Variants in CAPN3 observed in about 807,000 individuals in gnomAD.
The protein encoded by CAPN3 is calpain 3.
In CAPN3, 88 loss-of-function variants were observed where a neutral mutation model predicts 114.0. That is an observed-to-expected ratio of 0.77 (90% CI 0.65 to 0.92). The LOEUF is 0.92. CAPN3 is among the 40% of genes least tolerant of loss of function. The pLI is 0.00. For missense variants in CAPN3, 1,028 were observed against 1,069.0 expected, an observed-to-expected ratio of 0.96 and a Z score of 0.53; for synonymous variants, 386 against 382.9, an observed-to-expected ratio of 1.01 and a Z score of -0.09.
chr15:42,405,996 G>A (rs781651497), intron 15 of CAPN3, 53 bp downstream of exon 15: 138 of 1,488,050 alleles, frequency 9.3e-5, no homozygotes, highest in Non-Finnish European at 1.3e-4. Context: ...ATATGTATGT[G>A]CATGCATGTG....
chr15:42,404,127 G>C, intron 14 of CAPN3: 1 of 477,618 alleles, frequency 2.1e-6, no homozygotes, highest in Non-Finnish European at 4.2e-6. Flanking sequence ...TTCACACATA[G>C]AGAAAAGAAA....
intron 14 of CAPN3, chr15:42,404,772 T>G (rs1211917699): frequency 6.2e-6 from 7 of 1,122,646 alleles, no homozygotes; most frequent in Non-Finnish European, 7.7e-6. Context: ...GCAGTGACAG[T>G]CATGGTCATA....
chr15:42,394,099 C>G (rs965869278), intron 7 of CAPN3, among the ~76,000 whole-genome samples, 157 bp from the exon 8 acceptor site: 1 of 152,140 alleles, frequency 6.6e-6, no homozygotes, highest in Non-Finnish European at 1.5e-5. Flanking sequence ...CCCTGCCATT[C>G]CCCAGCACAC....
At chr15:42,411,546 C>G (rs1049036074) in intron 23 of CAPN3, among the ~76,000 whole-genome samples, 1 of 152,048 alleles carries the variant, frequency 6.6e-6, no homozygotes, top group African/African-American at 2.4e-5. Flanking sequence ...CTCCCCCAGT[C>G]ACTTGATGCG....
intron 3 of CAPN3, among the ~76,000 whole-genome samples, chr15:42,387,471 C>G (rs1042471568): frequency 2.0e-5 from 3 of 152,220 alleles, no homozygotes; most frequent in Non-Finnish European, 2.9e-5. Flanking sequence ...ATCTTACATC[C>G]TAAGACACTC....
At chr15:42,361,554 T>C (rs942667885) in intron 1 of CAPN3, among the ~76,000 whole-genome samples, 2 of 151,854 alleles carry the variant, frequency 1.3e-5, no homozygotes, top group African/African-American at 4.9e-5. Flanking sequence ...CTTGGTTCTA[T>C]GGTAAGGCCC....
intron 10 of CAPN3, 77 bp from the exon 11 acceptor site, chr15:42,401,564 A>T (rs1010937033): frequency 8.1e-7 from 1 of 1,232,868 alleles, no homozygotes; most frequent in Non-Finnish European, 1.1e-6. Context: ...ATAGAAATAA[A>T]TGGCTCCCTC....
intron 2 of CAPN3, chr15:42,385,872 C>T (rs766431632): frequency 1.6e-6 from 1 of 621,234 alleles, no homozygotes; most frequent in South Asian, 1.4e-5. Context: ...GCTCTGTCTC[C>T]ATTGAGGCCT....
chr15:42,387,982 T>TCTTC, intron 4 of CAPN3, 96 bp downstream of exon 4: 2 of 1,456,898 alleles, frequency 1.4e-6, no homozygotes, highest in Non-Finnish European at 1.9e-6. Context: ...GGCATGTGCC[T>TCTTC]CTATACGTGC....
intron 15 of CAPN3, among the ~76,000 whole-genome samples, chr15:42,407,648 T>C (rs1016833986): frequency 1.3e-4 from 20 of 152,130 alleles, no homozygotes; most frequent in African/African-American, 4.8e-4. Context: ...ATTTCTTATA[T>C]GAGGGGCAGG....
In CAPN3 at chr15:42,403,906, C is replaced by T. The variant is rs1413751078; in HGVS notation, c.1782+129C>T. On this transcript the variant is annotated intron_variant, in intron 14 of 23. Coordinates refer to ENST00000397163, the MANE Select transcript of CAPN3 (RefSeq NM_000070.3). ...GGGAGTCTGGGCTGTGCTGAGCAGTCCCTCCTTGGCACTGCAAATCCTACT... is the reference window on the plus strand; with the variant it reads ...GGGAGTCTGGGCTGTGCTGAGCAGTTCCTCCTTGGCACTGCAAATCCTACT... 30 of 869,694 alleles carry T rather than the reference C, an allele frequency of 3.4e-5. No individual in the cohort carries two copies. The East Asian group carries it at 6.3e-4, about 18-fold the overall frequency. 53.9% of individuals were successfully genotyped at this position (869,694 alleles called of 1,614,324 possible). A position where few individuals can be genotyped will look rare whatever the true frequency, so the allele number is the denominator to read the frequency against.
At chr15:42,374,945 C>T (rs1032616716) in intron 1 of CAPN3, among the ~76,000 whole-genome samples, 8 of 149,676 alleles carry the variant, frequency 5.3e-5, no homozygotes, top group Non-Finnish European at 7.4e-5. Context: ...GTAGCTGGGA[C>T]CCCAGGCATG....
rs369727850 is a variant in CAPN3 at position 42,389,917 on chromosome 15, C to G, written c.802-36C>G. On this transcript the variant is annotated intron_variant, in intron 5 of 23. Coordinates refer to ENST00000397163, the MANE Select transcript of CAPN3 (RefSeq NM_000070.3). Reference sequence around the variant, plus strand: ...CCTTCTGTGTTTGTTCTCTCCCTCCCCTGTGTTGTTCCCTACATTCTCCAT... The same window carrying G: ...CCTTCTGTGTTTGTTCTCTCCCTCCGCTGTGTTGTTCCCTACATTCTCCAT... The G allele has an allele frequency of 6.8e-6, 11 of 1,612,616 alleles. 1 individual carries two copies. In the Admixed American group the frequency reaches 1.5e-4, roughly 22 times the overall value.
At chr15:42,387,644 G>A (rs1268752805) in intron 3 of CAPN3, 109 bp from the exon 4 acceptor site, 68 of 1,368,270 alleles carry the variant, frequency 5.0e-5, no homozygotes, top group Non-Finnish European at 6.8e-5. Context: ...CAGAGTCCAG[G>A]AAATGATGCT....
chr15:42,398,751 TTGTC>T (rs2053779732), intron 9 of CAPN3, among the ~76,000 whole-genome samples: 1 of 151,192 alleles, frequency 6.6e-6, no homozygotes, highest in African/African-American at 2.4e-5. Context: ...TTAGCTATGT[TTGTC>T]TTACTGTGCT....
intron 1 of CAPN3, among the ~76,000 whole-genome samples, chr15:42,377,158 T>C (rs2053111354): frequency 6.6e-6 from 1 of 152,170 alleles, no homozygotes; most frequent in African/African-American, 2.4e-5. Flanking sequence ...ATATCTTTCA[T>C]TTCTTTTTCT....
At position 42,411,942 on chromosome 15, in the gene CAPN3, C is replaced by A; in HGVS notation, c.*169C>A. On this transcript the variant is annotated 3_prime_UTR_variant, in exon 24 of 24. Coordinates refer to ENST00000397163, the MANE Select transcript of CAPN3 (RefSeq NM_000070.3). ...ATTTTACCCCCTACCCATCCTTGAT[C>A]GGTCATGCCTAGCCTGACCCTTTAG... 6.5e-7 allele frequency: 1 copy of A among 1,539,592 alleles called. No individual in the cohort carries two copies. The highest frequency in any genetic ancestry group is 1.4e-5 in the African/African-American group (1 of 73,068).
intron 1 of CAPN3, among the ~76,000 whole-genome samples, chr15:42,363,639 A>AGTC (rs2141110569): frequency 6.6e-6 from 1 of 152,304 alleles, no homozygotes; most frequent in African/African-American, 2.4e-5. Context: ...CCCCATGGGG[A>AGTC]GTCATGCAGG....
At chr15:42,407,046 C>T (rs1323740105) in intron 15 of CAPN3, among the ~76,000 whole-genome samples, 1 of 151,986 alleles carries the variant, frequency 6.6e-6, no homozygotes, top group Non-Finnish European at 1.5e-5. Flanking sequence ...CCCAGTTGTT[C>T]TCTGCATTGC....
Sources: gnomAD v4.1 joint callset for allele counts (sites outside exome capture counted in the v4.1 genomes callset) on GRCh38, gnomAD v4.1.1 for gene constraint, MANE v1.5 for transcripts, NCBI Gene and HGNC (gene_info 2026-07-23, HGNC 2026-07-21) for gene names.